The following USP34 variants were observed in gnomAD, a reference collection of about 807,000 sequenced individuals.
USP34 encodes ubiquitin carboxyl-terminal hydrolase 34.
A neutral mutation model predicts 460.3 loss-of-function variants in USP34; 70 were observed. The ratio of observed to expected loss-of-function variants is 0.15; its 90% confidence interval spans 0.13 to 0.19. The LOEUF is 0.19. USP34 is among the 10% of genes least tolerant of loss of function. The pLI is 1.00. For synonymous variants in USP34, 1,647 were observed against 1,405.3 expected, an observed-to-expected ratio of 1.17 and a Z score of -3.85; for missense variants, 3,985 against 4,236.2, an observed-to-expected ratio of 0.94 and a Z score of 1.65.
intron 10 of USP34, among the ~76,000 whole-genome samples, chr2:61,363,674 T>C (rs149400022): frequency 1.3e-5 from 2 of 152,324 alleles, no homozygotes; most frequent in East Asian, 1.9e-4. Context: ...TGGTGTGTTG[T>C]TGACTGAAAC....
chr2:61,285,477 A>T (rs1270382440), intron 34 of USP34, among the ~76,000 whole-genome samples: 1 of 131,260 alleles, frequency 7.6e-6, no homozygotes, highest in Non-Finnish European at 1.7e-5. Flanking sequence ...ACAAAATGAG[A>T]ATCTGTCTCA....
intron 75 of USP34, chr2:61,200,118 C>T (rs1336985792): frequency 6.6e-6 from 1 of 152,392 alleles, no homozygotes; most frequent in Non-Finnish European, 1.5e-5. Flanking sequence ...GTGGTGTGAT[C>T]ACAGCTCACT....
rs769578448 is a variant in USP34, at chr2:61,236,271, G to GT, written c.6843-36dup. 3.8e-6 allele frequency: 6 copies of GT among 1,594,206 alleles called. No homozygotes were observed. In the African/African-American group the frequency reaches 5.4e-5, roughly 14 times the overall value. The stretch of plus-strand genomic sequence containing the variant: ...AAAAATAATCATTTAAAATTCACAC[G>GT]TAAGATTTTTTTAAAATGTGTAAAA... On this transcript the variant is annotated intron_variant, in intron 54 of 79. Coordinates refer to ENST00000398571, the MANE Select transcript of USP34 (RefSeq NM_014709.4).
In USP34 at chr2:61,375,261, T is replaced by C. The variant is rs986870020; in HGVS notation, c.1076+3102A>G. 2.6e-5 allele frequency among the ~76,000 whole-genome samples: 4 copies of C among 152,102 alleles called. No individual in the cohort carries two copies. The East Asian group carries it at 5.8e-4, about 22-fold the overall frequency. The stretch of plus-strand genomic sequence containing the variant: ...AGATAATAACAACTGCTGGCAAGAA[T>C]AGGGAGAAACTGGAAACCTCCTACA... On this transcript the variant is annotated intron_variant, in intron 8 of 79. Transcript: ENST00000398571.
intron 8 of USP34, among the ~76,000 whole-genome samples, chr2:61,374,244 G>C (rs1390598968): frequency 1.3e-5 from 2 of 151,448 alleles, no homozygotes; most frequent in Admixed American, 6.6e-5. Context: ...GCCTAAACAA[G>C]TGTTAGGGTT....
chr2:61,372,618 G>A (rs953447806), intron 8 of USP34, among the ~76,000 whole-genome samples: 4 of 152,126 alleles, frequency 2.6e-5, no homozygotes, highest in African/African-American at 9.7e-5. Context: ...GGTTGAGGTG[G>A]GAGGATCATT....
chr2:61,188,805 T>A (rs554348858), intron 79 of USP34, 96 bp from the exon 80 acceptor site: 2 of 1,567,866 alleles, frequency 1.3e-6, no homozygotes, highest in Non-Finnish European at 1.7e-6. Flanking sequence ...CTAGCATTTA[T>A]ATTTAGGAGG....
intron 21 of USP34, among the ~76,000 whole-genome samples, chr2:61,324,229 G>A (rs958052493): frequency 1.3e-5 from 2 of 152,224 alleles, no homozygotes; most frequent in Non-Finnish European, 2.9e-5. Context: ...TTCCTCTCTT[G>A]TGAGACCATC....
In USP34 at chr2:61,331,304, C is replaced by T. The variant is rs1292724743; in HGVS notation, c.2902G>A (p.Val968Met). Reference sequence around the variant, plus strand: ...GCATGTTTTTGTCTTCCTTCTCTCACAGTTTGAATGTAGTATACCAAATTA... The same window carrying T: ...GCATGTTTTTGTCTTCCTTCTCTCATAGTTTGAATGTAGTATACCAAATTA... ...FDNLVYYIQT[V>M]REGRQKHALY... Residue 968 changes from valine to methionine, a missense_variant, in exon 20 of 80, where the codon GTG (valine) becomes ATG (methionine). Physicochemically the swap from Val to Met is conservative, Grantham distance 21. Coordinates refer to ENST00000398571, the MANE Select transcript of USP34 (RefSeq NM_014709.4). 9 of 1,612,480 alleles carry T rather than the reference C, an allele frequency of 5.6e-6. No individual in the cohort carries two copies. Among genetic ancestry groups the T allele is most frequent in the Admixed American group, 1.7e-5 (1 of 59,928 alleles).
intron 6 of USP34, 52 bp downstream of exon 6, chr2:61,383,217 G>T: frequency 7.8e-7 from 1 of 1,286,124 alleles, no homozygotes; most frequent in Non-Finnish European, 1.1e-6. Context: ...ATTATAAATT[G>T]TTTAAATATA....
chr2:61,268,163 T>G (rs1009360594), intron 41 of USP34, among the ~76,000 whole-genome samples: 2 of 152,178 alleles, frequency 1.3e-5, no homozygotes, highest in African/African-American at 4.8e-5. Context: ...TAGTTTTTGG[T>G]GACTGATATG....
At chr2:61,290,954 G>A (rs1046643473) in intron 33 of USP34, among the ~76,000 whole-genome samples, 3 of 152,088 alleles carry the variant, frequency 2.0e-5, no homozygotes, top group African/African-American at 4.8e-5. Context: ...GGAAAACAGA[G>A]ACACTAGACT....
chr2:61,402,395 GAGA>G (rs1394326245), intron 3 of USP34, among the ~76,000 whole-genome samples: 1 of 152,164 alleles, frequency 6.6e-6, no homozygotes, highest in East Asian at 1.9e-4. Flanking sequence ...CAATAGGAAA[GAGA>G]AGAAGGAAGG....
At chr2:61,403,974 C>G (rs1445867980) in intron 3 of USP34, among the ~76,000 whole-genome samples, 1 of 96,782 alleles carries the variant, frequency 1.0e-5, no homozygotes. Flanking sequence ...GCCTGGGCGA[C>G]AGATCAAGAC....
intron 27 of USP34, 72 bp from the exon 28 acceptor site, chr2:61,301,526 T>C (rs1690224921): frequency 3.0e-6 from 4 of 1,326,414 alleles, no homozygotes; most frequent in East Asian, 2.3e-5. Context: ...GAATATGTAG[T>C]TGTAGCAATT....
chr2:61,241,947 C>T (rs1049925049), intron 51 of USP34, 128 bp from the exon 52 acceptor site: 17 of 513,882 alleles, frequency 3.3e-5, no homozygotes, highest in Admixed American at 1.2e-4. Flanking sequence ...TTTCAAACAC[C>T]GCCGCCTTCA....
chr2:61,257,900 A>C (rs1688763650), intron 44 of USP34, among the ~76,000 whole-genome samples: 1 of 152,222 alleles, frequency 6.6e-6, no homozygotes, highest in Non-Finnish European at 1.5e-5. Context: ...ACAAACAAAA[A>C]AAACACTCAC....
chr2:61,403,238 G>T lies in USP34; in HGVS notation c.552+2470C>A, dbSNP rs551464037. Among the ~76,000 whole-genome samples, 4 of 152,226 alleles carry T rather than the reference G, an allele frequency of 2.6e-5. No homozygotes were observed. In the South Asian group the frequency reaches 8.3e-4, roughly 32 times the overall value. On this transcript the variant is annotated intron_variant, in intron 3 of 79. Coordinates refer to ENST00000398571, the MANE Select transcript of USP34 (RefSeq NM_014709.4). Reference sequence around the variant, plus strand: ...GTACTTTAAAACAAAGTACAGGAGTGTAACTATGCCTACATTTAGAGATTA... The same window carrying T: ...GTACTTTAAAACAAAGTACAGGAGTTTAACTATGCCTACATTTAGAGATTA...
Position 61,340,567 on chromosome 2 carries a change from C to T in USP34, c.2501-886G>A, listed in dbSNP as rs372288265. 4.6e-5 allele frequency among the ~76,000 whole-genome samples: 7 copies of T among 152,246 alleles called. No homozygotes were observed. The South Asian group carries it at 6.2e-4, about 14-fold the overall frequency. On this transcript the variant is annotated intron_variant, in intron 16 of 79. Transcript: ENST00000398571. ...CTTTCTTCCATATTCTCCCTAACAC[C>T]GTAGTACTGTCACTCTTAATTTCAC... is the stretch of plus-strand genomic sequence containing the variant.
Sources: gnomAD v4.1 joint callset for allele counts (sites outside exome capture counted in the v4.1 genomes callset) on GRCh38, gnomAD v4.1.1 for gene constraint, MANE v1.5 for transcripts, NCBI Gene and HGNC (gene_info 2026-07-23, HGNC 2026-07-21) for gene names.